The following WASF2 variants were observed in gnomAD, a reference collection of about 807,000 sequenced individuals.
The protein encoded by WASF2 is actin-binding protein WASF2.
A neutral mutation model predicts 45.0 loss-of-function variants in WASF2; 14 were observed. That is an observed-to-expected ratio of 0.31 (90% CI 0.21 to 0.49). The LOEUF is 0.49. Among genes scored for constraint, WASF2 ranks in the 20% least tolerant of loss-of-function variants. The pLI is 0.99. For missense variants in WASF2, 439 were observed against 636.1 expected (o/e 0.69, Z 3.33); for synonymous variants, 200 against 236.3 (o/e 0.85, Z 1.41).
At chr1:27,420,559 C>T (rs1489513417) in intron 2 of WASF2, among the ~76,000 whole-genome samples, 1 of 110,886 alleles carries the variant, frequency 9.0e-6, no homozygotes, top group Non-Finnish European at 1.7e-5. Context: ...CTTGCTCTAT[C>T]CCCCAGGTGG....
rs1271042758 is a variant in WASF2, at chr1:27,408,246, C to T, written c.1440G>A (p.Glu480=). The stretch of plus-strand genomic sequence containing the variant: ...AGGAGTCATCTTCTGAGTCACTGTA[C>T]TCAACAGCAATGCGACGAGACAAGA... ...ATILSRRIAV[E]YSDSEDDSSE... is the part of the protein sequence containing the mutation. The change falls in exon 9 of 9, where the codon GAG becomes GAA. Residue 480 remains glutamate (E), a synonymous_variant. Coordinates refer to ENST00000618852, the MANE Select transcript of WASF2 (RefSeq NM_006990.5). 2 of 1,614,110 alleles carry T rather than the reference C, an allele frequency of 1.2e-6. No individual in the cohort carries two copies. Among genetic ancestry groups the T allele is most frequent in the Non-Finnish European group, 1.7e-6 (2 of 1,180,054 alleles).
chr1:27,474,280 T>A (rs111678572), intron 1 of WASF2, among the ~76,000 whole-genome samples: 22 of 152,214 alleles, frequency 1.4e-4, no homozygotes, highest in African/African-American at 2.2e-4. Context: ...GTTTTTTTTT[T>A]AAATCTTCAA....
At chr1:27,455,775 T>TC (rs1283864222) in intron 1 of WASF2, among the ~76,000 whole-genome samples, 17 of 152,210 alleles carry the variant, frequency 1.1e-4, no homozygotes, top group African/African-American at 3.6e-4. Flanking sequence ...CATGAAGCTA[T>TC]CCTGACCCCA....
chr1:27,481,788 G>A (rs890983199), intron 1 of WASF2, among the ~76,000 whole-genome samples: 10 of 152,124 alleles, frequency 6.6e-5, no homozygotes, highest in African/African-American at 2.4e-4. Context: ...TTACAGCTGA[G>A]AGTACATCTC....
At chr1:27,465,234 G>GT (rs1426899961) in intron 1 of WASF2, among the ~76,000 whole-genome samples, 1 of 152,182 alleles carries the variant, frequency 6.6e-6, no homozygotes, top group Non-Finnish European at 1.5e-5. Flanking sequence ...CTGAGCTGAA[G>GT]TTTACCTCTG....
intron 1 of WASF2, among the ~76,000 whole-genome samples, chr1:27,477,296 T>A (rs1365672652): frequency 6.6e-6 from 1 of 152,084 alleles, no homozygotes; most frequent in Non-Finnish European, 1.5e-5. Context: ...TCCCAGCACT[T>A]TGGGAGGCTG....
At chr1:27,469,168 T>C (rs1220646548) in intron 1 of WASF2, among the ~76,000 whole-genome samples, 1 of 152,126 alleles carries the variant, frequency 6.6e-6, no homozygotes, top group Non-Finnish European at 1.5e-5. Context: ...TTAAATGATA[T>C]GATGTCTGGG....
At chr1:27,476,735 A>T (rs1294064407) in intron 1 of WASF2, among the ~76,000 whole-genome samples, 1 of 152,206 alleles carries the variant, frequency 6.6e-6, no homozygotes, top group Non-Finnish European at 1.5e-5. Flanking sequence ...TCCCCAAGGG[A>T]TCAAGGCTGA....
intron 1 of WASF2, among the ~76,000 whole-genome samples, chr1:27,483,891 G>A (rs2017888392): frequency 1.3e-5 from 2 of 151,700 alleles, no homozygotes; most frequent in South Asian, 4.2e-4. Context: ...AGGAGGTTGA[G>A]GCTGCAGTGA....
At chr1:27,426,249 T>C (rs1391795889) in intron 2 of WASF2, among the ~76,000 whole-genome samples, 1 of 152,154 alleles carries the variant, frequency 6.6e-6, no homozygotes, top group Non-Finnish European at 1.5e-5. Flanking sequence ...AAATTCAGAA[T>C]CATAAAAAGT....
chr1:27,440,472 T>C (rs2017207174), intron 1 of WASF2, among the ~76,000 whole-genome samples: 1 of 150,914 alleles, frequency 6.6e-6, no homozygotes, highest in Admixed American at 6.6e-5. Flanking sequence ...CAGTGAGCAG[T>C]GATCACACCA....
Position 27,408,324 on chromosome 1 carries a change from C to T in WASF2, c.1362G>A (p.Glu454=), listed in dbSNP as rs756255142. 3.1e-6 allele frequency: 5 copies of T among 1,614,122 alleles called. No individual in the cohort carries two copies. Among genetic ancestry groups the T allele is most frequent in the African/African-American group, 2.7e-5 (2 of 74,940 alleles). ...CCCGCTTCTCTTGTTCCCGCTGCTC[C>T]TCAACCCTGCGCAGCTGAAAACCTA... The part of the protein sequence containing the change: ...IRQGFQLRRV[E]EQREQEKRDV... Residue 454 remains glutamate (E), a synonymous_variant, in exon 9 of 9, where the codon GAG becomes GAA. Coordinates refer to ENST00000618852, the MANE Select transcript of WASF2 (RefSeq NM_006990.5).
chr1:27,443,069 T>C (rs1388000151), intron 1 of WASF2, among the ~76,000 whole-genome samples: 1 of 144,004 alleles, frequency 6.9e-6, no homozygotes, highest in East Asian at 2.1e-4. Context: ...GAGGCCGAGA[T>C]GGGGGGATTG....
intron 1 of WASF2, among the ~76,000 whole-genome samples, chr1:27,479,102 T>C (rs1057409573): frequency 4.0e-5 from 6 of 151,732 alleles, no homozygotes; most frequent in African/African-American, 1.5e-4. Flanking sequence ...CTAGTCAACA[T>C]GGTGAAACCC....
intron 2 of WASF2, among the ~76,000 whole-genome samples, chr1:27,424,685 T>G (rs965265246): frequency 6.6e-6 from 1 of 152,152 alleles, no homozygotes; most frequent in Non-Finnish European, 1.5e-5. Context: ...CACACCCAGC[T>G]AATTTCGTTT....
intron 1 of WASF2, among the ~76,000 whole-genome samples, chr1:27,432,964 T>C (rs2017086497): frequency 6.6e-6 from 1 of 152,222 alleles, no homozygotes; most frequent in Non-Finnish European, 1.5e-5. Context: ...GGCCTTGCTA[T>C]GCTGTCCAGG....
At chr1:27,450,717 T>C (rs1232517310) in intron 1 of WASF2, among the ~76,000 whole-genome samples, 1 of 152,086 alleles carries the variant, frequency 6.6e-6, no homozygotes, top group African/African-American at 2.4e-5. Flanking sequence ...TAGGCTGGTC[T>C]CGAACTCCTG....
At chr1:27,459,500 T>C (rs1377907229) in intron 1 of WASF2, 1 of 152,052 alleles carries the variant, frequency 6.6e-6, no homozygotes, top group Non-Finnish European at 1.5e-5. Flanking sequence ...CTTTTAAATA[T>C]AGGAATTCAC....
rs769942074 is a variant in WASF2 at position 27,412,603 on chromosome 1, C to T, written c.793G>A (p.Asp265Asn). 4.3e-6 allele frequency: 7 copies of T among 1,614,142 alleles called. No homozygotes were observed. The highest frequency in any genetic ancestry group is 5.9e-6 in the Non-Finnish European group (7 of 1,180,022). ...ASSPSPSFSE[D>N]NLPPPPAEFS... Reference sequence around the variant, plus strand: ...TCTGCTGGTGGAGGAGGCAAGTTGTCCTCGGAGAAGGAAGGAGAAGGTGAA... The same window carrying T: ...TCTGCTGGTGGAGGAGGCAAGTTGTTCTCGGAGAAGGAAGGAGAAGGTGAA... The change falls in exon 7 of 9, where the codon GAC (aspartate) becomes AAC (asparagine). Residue 265 changes from aspartate (D) to asparagine (N), a missense_variant. By Grantham distance (23) the Asp-to-Asn change is conservative (BLOSUM62 1). Around this residue, in one of 5 missense-constraint regions of WASF2, gnomAD observed 286 missense variants for 373.5 expected, o/e 0.77. Coordinates refer to ENST00000618852, the MANE Select transcript of WASF2 (RefSeq NM_006990.5).
Sources: gnomAD v4.1 joint callset for allele counts (sites outside exome capture counted in the v4.1 genomes callset) on GRCh38, gnomAD v4.1.1 for gene constraint, gnomAD v4.1.1 regional missense constraint, MANE v1.5 for transcripts, NCBI Gene and HGNC (gene_info 2026-07-23, HGNC 2026-07-21) for gene names.